Variants in TMEM117 observed in about 807,000 individuals in gnomAD.
TMEM117 encodes transmembrane protein 117.
A neutral mutation model predicts 52.4 loss-of-function variants in TMEM117; 27 were observed. The observed-to-expected ratio is 0.51, with a 90% CI of 0.38 to 0.71. The LOEUF (loss-of-function observed/expected upper bound fraction) is 0.71, where lower values mean the gene tolerates loss of function less well. Ranked by LOEUF, TMEM117 falls within the 30% of genes least tolerant of loss-of-function variation. The pLI is 0.00. For missense variants in TMEM117, 556 were observed against 630.5 expected (o/e 0.88, Z 1.26); for synonymous variants, 215 against 206.3 (o/e 1.04, Z -0.36).
chr12:43,905,745 C>A (rs1464019117), intron 2 of TMEM117, among the ~76,000 whole-genome samples: 1 of 152,126 alleles, frequency 6.6e-6, no homozygotes, highest in Non-Finnish European at 1.5e-5. Context: ...TGTGGCATAT[C>A]TTTATATTTT....
intron 3 of TMEM117, among the ~76,000 whole-genome samples, chr12:44,017,439 A>G (rs1946390601): frequency 6.6e-6 from 1 of 150,400 alleles, no homozygotes; most frequent in Non-Finnish European, 1.5e-5. Context: ...GAAATCTTAT[A>G]TGATTTCTAA....
intron 4 of TMEM117, among the ~76,000 whole-genome samples, chr12:44,157,707 G>A (rs1948845523): frequency 6.6e-6 from 1 of 152,074 alleles, no homozygotes; most frequent in African/African-American, 2.4e-5. Flanking sequence ...ATTATGTGAT[G>A]AAAACACAAT....
At chr12:44,149,907 A>G (rs753630548) in intron 4 of TMEM117, among the ~76,000 whole-genome samples, 24 of 152,370 alleles carry the variant, frequency 1.6e-4, no homozygotes, top group Non-Finnish European at 2.9e-4. Context: ...AATTTAAACC[A>G]TGAAACTTGG....
chr12:44,040,103 A>G (rs1946774166), intron 3 of TMEM117, among the ~76,000 whole-genome samples: 1 of 152,130 alleles, frequency 6.6e-6, no homozygotes, highest in African/African-American at 2.4e-5. Context: ...CATGGCCAAT[A>G]TCAAGTTATT....
intron 3 of TMEM117, among the ~76,000 whole-genome samples, chr12:44,011,885 G>A (rs948584657): frequency 6.6e-6 from 1 of 152,118 alleles, no homozygotes; most frequent in Non-Finnish European, 1.5e-5. Flanking sequence ...TACATTTATA[G>A]CATATAAACA....
At chr12:44,220,050 C>T (rs188615269) in intron 5 of TMEM117, among the ~76,000 whole-genome samples, 2 of 152,228 alleles carry the variant, frequency 1.3e-5, no homozygotes, top group African/African-American at 4.8e-5. Context: ...ACTATCTTTT[C>T]ACTATCTTTG....
At chr12:43,991,410 T>C (rs149726300) in intron 3 of TMEM117, among the ~76,000 whole-genome samples, 1 of 151,422 alleles carries the variant, frequency 6.6e-6, no homozygotes, top group East Asian at 2.0e-4. Flanking sequence ...ATAATAATTG[T>C]AATAACCAAT....
intron 2 of TMEM117, among the ~76,000 whole-genome samples, chr12:43,903,845 C>T (rs901848745): frequency 2.6e-5 from 4 of 152,052 alleles, no homozygotes; most frequent in Non-Finnish European, 5.9e-5. Flanking sequence ...TTCTAATTTT[C>T]CTACCACCAA....
chr12:43,804,360 G>C, the TMEM117 span: 1 of 639,334 alleles, frequency 1.6e-6, no homozygotes, highest in South Asian at 1.8e-5. Flanking sequence ...AAAATATGAG[G>C]AATCCAAGTT....
chr12:44,118,038 TA>T (rs532341334), intron 3 of TMEM117, among the ~76,000 whole-genome samples: 2,228 of 149,050 alleles, frequency 0.015, 16 homozygotes, highest in Non-Finnish European at 0.02. Context: ...ACTTCTTTAT[TA>T]AAAAAAAAAC....
rs139233358 is a variant in TMEM117 at position 44,124,122 on chromosome 12, C to T, written c.411-19403C>T. ...TCTCTGTGAAGATGTTCTTCACTTC[C>T]CTTGTTAGCTGTATTCCTAAGTATT... On this transcript the variant is annotated intron_variant, in intron 3 of 7. Transcript: ENST00000266534. Among the ~76,000 whole-genome samples, 110 of 152,062 alleles carry T rather than the reference C, an allele frequency of 7.2e-4. 2 individuals carry two copies. The highest frequency in any genetic ancestry group is 2.5e-3 in the African/African-American group (105 of 41,488).
At chr12:44,297,094 T>C (rs1294510946) in intron 5 of TMEM117, among the ~76,000 whole-genome samples, 2 of 152,226 alleles carry the variant, frequency 1.3e-5, no homozygotes, top group Non-Finnish European at 2.9e-5. Context: ...GATCTCCTAT[T>C]CTGCTATCTT....
At chr12:44,186,248 C>G (rs909191884) in intron 4 of TMEM117, among the ~76,000 whole-genome samples, 2 of 152,174 alleles carry the variant, frequency 1.3e-5, no homozygotes, top group Non-Finnish European at 2.9e-5. Flanking sequence ...CCAATACTGA[C>G]AGCTCAGGAA....
chr12:44,265,774 C>T (rs1162937170), intron 5 of TMEM117, among the ~76,000 whole-genome samples: 1 of 152,126 alleles, frequency 6.6e-6, no homozygotes, highest in Non-Finnish European at 1.5e-5. Flanking sequence ...CTTCCCCAGG[C>T]CCTGGAAAAC....
chr12:44,327,302 T>G (rs1294195482), intron 6 of TMEM117, among the ~76,000 whole-genome samples: 2 of 152,214 alleles, frequency 1.3e-5, no homozygotes, highest in African/African-American at 4.8e-5. Flanking sequence ...AAACTATCTT[T>G]GGTAATACAG....
intron 5 of TMEM117, among the ~76,000 whole-genome samples, chr12:44,257,850 T>C (rs1228876652): frequency 1.3e-5 from 2 of 152,124 alleles, no homozygotes; most frequent in East Asian, 3.8e-4. Flanking sequence ...AAGTATATAT[T>C]ATGCACATAT....
At chr12:44,154,072 A>G (rs1223803052) in intron 4 of TMEM117, among the ~76,000 whole-genome samples, 1 of 152,066 alleles carries the variant, frequency 6.6e-6, no homozygotes, top group African/African-American at 2.4e-5. Flanking sequence ...GTTAAGCTTT[A>G]TCTCAGACCT....
chr12:44,257,902 T>C (rs80230255), intron 5 of TMEM117, among the ~76,000 whole-genome samples: 2,652 of 152,260 alleles, frequency 0.017, 61 homozygotes, highest in East Asian at 0.056. Flanking sequence ...ATAATCTTTC[T>C]GAACTCATTG....
chr12:44,255,527 T>C (rs1950250131), intron 5 of TMEM117, among the ~76,000 whole-genome samples: 1 of 152,158 alleles, frequency 6.6e-6, no homozygotes, highest in Non-Finnish European at 1.5e-5. Flanking sequence ...TAGATAAATT[T>C]ATATCATGGA....
Sources: allele counts gnomAD v4.1 joint callset (sites outside exome capture counted in the v4.1 genomes callset), GRCh38; gene constraint gnomAD v4.1.1; transcripts MANE v1.5; gene names NCBI Gene and HGNC (gene_info 2026-07-23, HGNC 2026-07-21).